SHANK2: variants seen among roughly 807,000 people sequenced by gnomAD.
The protein encoded by SHANK2 is SH3 and multiple ankyrin repeat domains 2.
Under a neutral mutation model 133.7 loss-of-function variants are expected in SHANK2, and 43 were observed. That is an observed-to-expected ratio of 0.32 (90% CI 0.25 to 0.41). The LOEUF is 0.41. Among genes scored for constraint, SHANK2 ranks in the 10% least tolerant of loss-of-function variants. SHANK2 has a pLI of 1.00. For missense variants in SHANK2, 1,994 were observed against 2,235.8 expected, an observed-to-expected ratio of 0.89 and a Z score of 2.18; for synonymous variants, 1,017 against 952.8, an observed-to-expected ratio of 1.07 and a Z score of -1.24.
rs568241406 is a variant in SHANK2 at position 70,917,530 on chromosome 11, C to T, written c.1108-20963G>A. The stretch of plus-strand genomic sequence containing the variant: ...GGTATATACACAAAGGAATATAAAT[C>T]GTTCTATTATAAAGATACATGCACA... On this transcript the variant is annotated intron_variant, in intron 10 of 25. Coordinates refer to ENST00000601538, the MANE Select transcript of SHANK2 (RefSeq NM_012309.5). 2.6e-5 allele frequency among the ~76,000 whole-genome samples: 4 copies of T among 152,260 alleles called. No homozygotes were observed. In the South Asian group the frequency reaches 8.3e-4, roughly 32 times the overall value.
intron 2 of SHANK2, among the ~76,000 whole-genome samples, chr11:71,215,129 CCTT>C (rs1234757300): frequency 1.2e-4 from 19 of 152,328 alleles, no homozygotes; most frequent in Non-Finnish European, 2.4e-4. Flanking sequence ...TGTGCGATGT[CCTT>C]CATCAAAACC....
chr11:70,597,213 G>A (rs1020854408), intron 17 of SHANK2, among the ~76,000 whole-genome samples: 7 of 152,046 alleles, frequency 4.6e-5, no homozygotes, highest in African/African-American at 1.7e-4. Context: ...CTCAGCACCC[G>A]CCGCCAGGGG....
intron 17 of SHANK2, among the ~76,000 whole-genome samples, chr11:70,628,391 G>A (rs2060933213): frequency 6.6e-6 from 1 of 152,118 alleles, no homozygotes; most frequent in Admixed American, 6.5e-5. Flanking sequence ...GGGCGGAGAG[G>A]GCAGTAAACA....
chr11:71,167,859 A>G (rs1354466851), intron 2 of SHANK2, among the ~76,000 whole-genome samples: 1 of 140,782 alleles, frequency 7.1e-6, no homozygotes, highest in African/African-American at 2.7e-5. Flanking sequence ...CTCAGTTCCC[A>G]GTAGGGGCGG....
chr11:70,542,341 CAG>C (rs2136034681), intron 17 of SHANK2, among the ~76,000 whole-genome samples: 1 of 152,288 alleles, frequency 6.6e-6, no homozygotes, highest in East Asian at 1.9e-4. Flanking sequence ...TGTGTGACGA[CAG>C]AGACACAGGT....
At position 70,804,153 on chromosome 11, in the gene SHANK2, C is replaced by G. The variant is rs1948112350; in HGVS notation, c.1663+2849G>C. On this transcript the variant is annotated intron_variant, in intron 13 of 25. Coordinates refer to ENST00000601538, the MANE Select transcript of SHANK2 (RefSeq NM_012309.5). The surrounding 1 kb of genome is among the most constrained non-coding windows in gnomAD (Gnocchi z 4.1). ...ACCCTCCCAGACCTGCCCCTGCCAG[C>G]CAGGCAGCTGGGTTTCCTGCCCACA... Among the ~76,000 whole-genome samples, 1 of 152,202 alleles carries G rather than the reference C, an allele frequency of 6.6e-6. No individual in the cohort carries two copies. Among genetic ancestry groups the G allele is most frequent in the African/African-American group, 2.4e-5 (1 of 41,472 alleles).
intron 11 of SHANK2, among the ~76,000 whole-genome samples, chr11:70,867,861 C>T (rs1157146275): frequency 2.0e-5 from 3 of 152,222 alleles, no homozygotes; most frequent in Non-Finnish European, 4.4e-5. Flanking sequence ...CCGGCCGGCC[C>T]CCGCCTCCCG....
At chr11:70,884,529 G>A (rs1270971314) in intron 11 of SHANK2, among the ~76,000 whole-genome samples, 1 of 152,168 alleles carries the variant, frequency 6.6e-6, no homozygotes, top group African/African-American at 2.4e-5. Context: ...CCGACCCATG[G>A]CTGAGCATCT....
intron 17 of SHANK2, among the ~76,000 whole-genome samples, chr11:70,620,981 C>A (rs114988204): frequency 6.6e-6 from 1 of 152,266 alleles, no homozygotes; most frequent in African/African-American, 2.4e-5. Context: ...ATGTGGGGTC[C>A]GGTATGACGT....
chr11:70,566,034 G>T (rs2059964504), intron 17 of SHANK2, among the ~76,000 whole-genome samples: 1 of 152,176 alleles, frequency 6.6e-6, no homozygotes, highest in Non-Finnish European at 1.5e-5. Context: ...CATGGCAGAA[G>T]GGAAAGGGCA....
chr11:70,536,335 G>C (rs2059543821), intron 17 of SHANK2, among the ~76,000 whole-genome samples: 1 of 152,332 alleles, frequency 6.6e-6, no homozygotes, highest in South Asian at 2.1e-4. Context: ...CTGAGATGAG[G>C]CTTGGTCTAA....
chr11:70,659,683 G>A, intron 17 of SHANK2, 145 bp downstream of exon 17: 1 of 989,502 alleles, frequency 1.0e-6, no homozygotes, highest in South Asian at 1.5e-5. Context: ...ACCCACGGTG[G>A]GAGAAACTGA....
intron 17 of SHANK2, among the ~76,000 whole-genome samples, chr11:70,564,124 G>T (rs1460619313): frequency 3.3e-5 from 5 of 152,054 alleles, no homozygotes; most frequent in Non-Finnish European, 7.4e-5. Flanking sequence ...ATGTGCCTGG[G>T]TGTGTTTTTG....
intron 14 of SHANK2, among the ~76,000 whole-genome samples, chr11:70,732,776 C>T (rs1946317438): frequency 6.6e-6 from 1 of 152,208 alleles, no homozygotes; most frequent in South Asian, 2.1e-4. Flanking sequence ...GCCTAGGAAG[C>T]CTGCCCTCCC....
chr11:71,204,479 A>T (rs1279027929), intron 2 of SHANK2, among the ~76,000 whole-genome samples: 2 of 152,142 alleles, frequency 1.3e-5, no homozygotes, highest in Admixed American at 1.3e-4. Context: ...ACAGGCTCCG[A>T]CGGGAAGAGG....
chr11:70,592,171 T>C (rs1467998377), intron 17 of SHANK2, among the ~76,000 whole-genome samples: 1 of 152,146 alleles, frequency 6.6e-6, no homozygotes, highest in East Asian at 1.9e-4. Flanking sequence ...GGCTGTGAAT[T>C]GATGTGTGCT....
chr11:70,954,097 C>T (rs929469616), intron 10 of SHANK2, among the ~76,000 whole-genome samples: 8 of 152,200 alleles, frequency 5.3e-5, no homozygotes, highest in Middle Eastern at 3.2e-3. Context: ...TGGCACTCAT[C>T]GGGGAAGAGG....
intron 10 of SHANK2, among the ~76,000 whole-genome samples, chr11:70,916,737 C>T (rs997306696): frequency 7.2e-5 from 11 of 152,158 alleles, no homozygotes; most frequent in Non-Finnish European, 1.3e-4. Context: ...AATGTGACTC[C>T]AGGGTCTCTA....
At chr11:71,178,764 A>T (rs762581603) in intron 2 of SHANK2, among the ~76,000 whole-genome samples, 149 of 152,316 alleles carry the variant, frequency 9.8e-4, no homozygotes, top group Non-Finnish European at 1.6e-3. Flanking sequence ...CAGGTGGATC[A>T]CTTGAGCCCA....
Sources: gnomAD v4.1 joint callset for allele counts (sites outside exome capture counted in the v4.1 genomes callset) on GRCh38, gnomAD v4.1.1 for gene constraint, Gnocchi (gnomAD v3.1) non-coding constraint, MANE v1.5 for transcripts, NCBI Gene and HGNC (gene_info 2026-07-23, HGNC 2026-07-21) for gene names.